TUSC3: variants seen among roughly 807,000 people sequenced by gnomAD.
TUSC3 encodes the protein tumor suppressor candidate 3.
In TUSC3, 45 loss-of-function variants were observed where a neutral mutation model predicts 44.8. The observed-to-expected ratio is 1.00, with a 90% CI of 0.79 to 1.29. The LOEUF is 1.29. TUSC3 is among the 50% of genes most tolerant of loss of function. The probability of loss-of-function intolerance (pLI) is 0.00; values close to 1 mark genes in which losing one functional copy is unlikely to be tolerated. For synonymous variants in TUSC3, 212 were observed against 152.9 expected, an observed-to-expected ratio of 1.39 and a Z score of -2.85; for missense variants, 519 against 437.9, an observed-to-expected ratio of 1.19 and a Z score of -1.65.
chr8:15,594,024 T>G (rs11995744), intron 1 of TUSC3, among the ~76,000 whole-genome samples: 7,429 of 152,302 alleles, frequency 0.049, 253 homozygotes, highest in African/African-American at 0.1. Flanking sequence ...TTATGAGATA[T>G]TTTATGTATC....
chr8:15,850,684 G>C, the TUSC3 span, among the ~76,000 whole-genome samples: 2,717 of 152,206 alleles, frequency 0.018, 70 homozygotes, highest in African/African-American at 0.061. Flanking sequence ...AAACAATTTA[G>C]AAAGGAATGG....
intron 6 of TUSC3, among the ~76,000 whole-genome samples, chr8:15,718,719 T>C (rs1362866): frequency 0.012 from 1,788 of 152,206 alleles, 23 homozygotes; most frequent in East Asian, 0.038. Flanking sequence ...ATATAACTTA[T>C]GTTGATTTTA....
intron 1 of TUSC3, among the ~76,000 whole-genome samples, chr8:15,597,348 A>T (rs1283602285): frequency 6.6e-6 from 1 of 152,126 alleles, no homozygotes; most frequent in African/African-American, 2.4e-5. Context: ...GTTTTCCTCA[A>T]GGTAAATTTG....
intron 9 of TUSC3, chr8:15,748,718 T>C: frequency 1.6e-6 from 1 of 619,344 alleles, no homozygotes; most frequent in East Asian, 3.7e-5. Context: ...CAAATGAGGT[T>C]TAAGCTCATT....
intron 6 of TUSC3, among the ~76,000 whole-genome samples, chr8:15,675,810 G>T (rs900151398): frequency 6.6e-6 from 1 of 152,050 alleles, no homozygotes; most frequent in Non-Finnish European, 1.5e-5. Flanking sequence ...TGTTGTATAT[G>T]TACCACATTT....
chr8:15,472,586 G>T (rs999242370), intron 1 of TUSC3, among the ~76,000 whole-genome samples: 2 of 152,040 alleles, frequency 1.3e-5, no homozygotes, highest in Non-Finnish European at 2.9e-5. Context: ...TTCAGAGTGG[G>T]ACATCAAAGT....
At chr8:15,777,689 T>G in the TUSC3 span, among the ~76,000 whole-genome samples, 17 of 152,286 alleles carry the variant, frequency 1.1e-4, no homozygotes, top group Admixed American at 2.6e-4. Flanking sequence ...ACTTTATAAA[T>G]GTCTAAGACA....
At chr8:15,621,854 T>C (rs1805261228) in intron 1 of TUSC3, among the ~76,000 whole-genome samples, 1 of 151,962 alleles carries the variant, frequency 6.6e-6, no homozygotes, top group African/African-American at 2.4e-5. Context: ...CATGTCTGAA[T>C]GTTCTCTCTC....
chr8:15,690,908 C>T (rs571689497), intron 6 of TUSC3, among the ~76,000 whole-genome samples: 1 of 151,646 alleles, frequency 6.6e-6, no homozygotes, highest in Non-Finnish European at 1.5e-5. Flanking sequence ...TGTAGCATTG[C>T]AGTATAGTTT....
intron 5 of TUSC3, among the ~76,000 whole-genome samples, chr8:15,669,915 A>C (rs1280747930): frequency 6.6e-6 from 1 of 151,734 alleles, no homozygotes; most frequent in Non-Finnish European, 1.5e-5. Context: ...ACATAGAAAA[A>C]AAAATTAGAC....
chr8:15,523,629 C>A (rs1801327088), intron 2 of TUSC3, among the ~76,000 whole-genome samples: 1 of 121,476 alleles, frequency 8.2e-6, no homozygotes, highest in Non-Finnish European at 1.7e-5. Context: ...GCTTAAAAAT[C>A]CTTTAAAAAC....
At chr8:15,778,286 G>GA in the TUSC3 span, among the ~76,000 whole-genome samples, 1 of 152,100 alleles carries the variant, frequency 6.6e-6, no homozygotes, top group South Asian at 2.1e-4. Context: ...CTGATGAGGT[G>GA]AGAGTATTAC....
intron 6 of TUSC3, among the ~76,000 whole-genome samples, chr8:15,696,783 G>A (rs894554130): frequency 1.3e-5 from 2 of 152,146 alleles, no homozygotes; most frequent in African/African-American, 2.4e-5. Context: ...CCTGGTTTTG[G>A]TATTAGGGTG....
chr8:15,535,700 A>G (rs955561909), upstream of TUSC3, among the ~76,000 whole-genome samples: 2 of 152,234 alleles, frequency 1.3e-5, no homozygotes, highest in Non-Finnish European at 2.9e-5. Flanking sequence ...GGGAAAGACT[A>G]GAAATAAATG....
the TUSC3 span, among the ~76,000 whole-genome samples, chr8:15,839,392 A>G: frequency 1.3e-5 from 2 of 152,124 alleles, no homozygotes; most frequent in Admixed American, 1.3e-4. Context: ...CTCCAACACT[A>G]TGTTGGATAG....
At chr8:15,503,411 G>T (rs1201501984) in intron 2 of TUSC3, among the ~76,000 whole-genome samples, 1 of 152,052 alleles carries the variant, frequency 6.6e-6, no homozygotes, top group East Asian at 1.9e-4. Flanking sequence ...ACTAATACTT[G>T]ACATACTTTT....
In TUSC3 at chr8:15,722,294, T is replaced by G. The variant is rs558704200; in HGVS notation, c.799-8372T>G. Among the ~76,000 whole-genome samples, 5 of 152,020 alleles carry G rather than the reference T, an allele frequency of 3.3e-5. No individual in the cohort carries two copies. The East Asian group carries it at 9.7e-4, about 29-fold the overall frequency. On this transcript the variant is annotated intron_variant, in intron 6 of 10. Coordinates refer to ENST00000503731, the MANE Select transcript of TUSC3 (RefSeq NM_006765.4). ...ACCTACAACACCTAGACTACCAGTC[T>G]TATTGACAGGGTAATAAAGGTAAAG...
intron 2 of TUSC3, among the ~76,000 whole-genome samples, chr8:15,637,684 A>G (rs1287138217): frequency 6.6e-6 from 1 of 151,816 alleles, no homozygotes; most frequent in Non-Finnish European, 1.5e-5. Flanking sequence ...CCTATACCAG[A>G]CCAGAAACCA....
intron 1 of TUSC3, among the ~76,000 whole-genome samples, chr8:15,604,672 CTTTTGG>C (rs1356999904): frequency 2.0e-5 from 3 of 151,598 alleles, no homozygotes; most frequent in African/African-American, 4.8e-5. Context: ...TGTTTCTTGC[CTTTTGG>C]TTTTCTATTT....
Sources: allele counts gnomAD v4.1 joint callset (sites outside exome capture counted in the v4.1 genomes callset), GRCh38; gene constraint gnomAD v4.1.1; transcripts MANE v1.5; gene names NCBI Gene and HGNC (gene_info 2026-07-23, HGNC 2026-07-21).